The following ELP4 variants were observed in gnomAD, a reference collection of about 807,000 sequenced individuals.
The protein encoded by ELP4 is elongator acetyltransferase complex subunit 4.
ELP4 carries 51 observed loss-of-function variants against 48.9 expected under a neutral mutation model. The observed-to-expected ratio is 1.04, with a 90% CI of 0.83 to 1.32. ELP4 has a LOEUF of 1.32. Among genes scored for constraint, ELP4 ranks in the 40% most tolerant of loss-of-function variants. ELP4 has a pLI of 0.00. For missense variants in ELP4, 519 were observed against 514.6 expected, an observed-to-expected ratio of 1.01 and a Z score of -0.08; for synonymous variants, 210 against 189.2, an observed-to-expected ratio of 1.11 and a Z score of -0.90.
Position 31,647,964 on chromosome 11 carries a change from C to T in ELP4, c.1036+115C>T, listed in dbSNP as rs7117653. The T allele has an allele frequency of 8.7e-3, 5,487 of 628,506 alleles. 222 individuals are homozygous for T. In the African/African-American group the frequency reaches 0.091, roughly 10 times the overall value. 38.9% of individuals were successfully genotyped at this position (628,506 alleles called of 1,614,324 possible). On this transcript the variant is annotated intron_variant, in intron 8 of 9. Transcript: ENST00000640961. ...AAGGAGTATGAATTTTATAATACAC[C>T]TGTTAAATATTTTCCATTCCTGTCC...
At chr11:31,685,618 T>G (rs1218557369) in intron 9 of ELP4, among the ~76,000 whole-genome samples, 1 of 152,082 alleles carries the variant, frequency 6.6e-6, no homozygotes, top group Non-Finnish European at 1.5e-5. Flanking sequence ...TTTAATGAAT[T>G]TTATTAATAA....
At chr11:31,605,921 C>G (rs1385566398) in intron 5 of ELP4, among the ~76,000 whole-genome samples, 1 of 151,878 alleles carries the variant, frequency 6.6e-6, no homozygotes, top group Non-Finnish European at 1.5e-5. Flanking sequence ...ACTCAAGTTT[C>G]TAAAACCTCT....
intron 3 of ELP4, among the ~76,000 whole-genome samples, chr11:31,571,969 AAGTG>A (rs1957200004): frequency 6.6e-6 from 1 of 152,316 alleles, no homozygotes; most frequent in South Asian, 2.1e-4. Context: ...TTGGAATGAT[AAGTG>A]AGTATTGGCT....
At chr11:31,601,046 A>G (rs1047711198) in intron 4 of ELP4, among the ~76,000 whole-genome samples, 9 of 152,270 alleles carry the variant, frequency 5.9e-5, no homozygotes, top group Admixed American at 5.9e-4. Context: ...TGTAAAACTA[A>G]AGCAACATGT....
intron 9 of ELP4, among the ~76,000 whole-genome samples, chr11:31,726,780 T>C (rs1324964646): frequency 6.6e-6 from 1 of 152,226 alleles, no homozygotes; most frequent in Non-Finnish European, 1.5e-5. Flanking sequence ...ACAGTACCAG[T>C]GTTCCAAGGA....
At chr11:31,593,659 T>C (rs929126309) in intron 3 of ELP4, among the ~76,000 whole-genome samples, 2 of 152,172 alleles carry the variant, frequency 1.3e-5, no homozygotes. Flanking sequence ...CTGGACATTC[T>C]AGTTGCCGAA....
chr11:31,582,322 T>A (rs1005158884), intron 3 of ELP4, among the ~76,000 whole-genome samples: 1 of 152,242 alleles, frequency 6.6e-6, no homozygotes. Context: ...TATATTTTTT[T>A]AAATTAGCAT....
At chr11:31,546,354 A>T (rs1280817099) in intron 3 of ELP4, among the ~76,000 whole-genome samples, 1 of 152,172 alleles carries the variant, frequency 6.6e-6, no homozygotes, top group East Asian at 1.9e-4. Flanking sequence ...GATAAAACAG[A>T]CTTTAAACCA....
intron 1 of ELP4, among the ~76,000 whole-genome samples, chr11:31,516,638 GGTGGCAGCACGCCTT>G (rs1391322320): frequency 6.6e-6 from 1 of 152,102 alleles, no homozygotes; most frequent in African/African-American, 2.4e-5. Flanking sequence ...TGGGACTACA[GGTGGCAGCACGCCTT>G]GCTAATTTTT....
chr11:31,727,985 C>G (rs2134196150), intron 9 of ELP4: 1 of 152,232 alleles, frequency 6.6e-6, no homozygotes, highest in Admixed American at 6.5e-5. Context: ...AGAGGCTCAT[C>G]TATCTCAAAG....
intron 9 of ELP4, among the ~76,000 whole-genome samples, chr11:31,724,094 G>A (rs539093259): frequency 1.3e-5 from 2 of 152,244 alleles, no homozygotes; most frequent in Admixed American, 6.5e-5. Context: ...TGCCCAGCCC[G>A]AGGTTATGTA....
intron 5 of ELP4, among the ~76,000 whole-genome samples, chr11:31,611,031 C>G (rs1194745176): frequency 6.6e-6 from 1 of 152,198 alleles, no homozygotes; most frequent in Admixed American, 6.6e-5. Context: ...ACTTTACATG[C>G]TAGCCTACAT....
At chr11:31,759,036 T>A (rs910590337) in intron 9 of ELP4, among the ~76,000 whole-genome samples, 3 of 152,216 alleles carry the variant, frequency 2.0e-5, no homozygotes, top group Admixed American at 2.0e-4. Flanking sequence ...TGTGACTTAC[T>A]TTCTTCCATC....
intron 5 of ELP4, among the ~76,000 whole-genome samples, chr11:31,609,422 G>A (rs1236239528): frequency 6.6e-6 from 1 of 152,092 alleles, no homozygotes; most frequent in Non-Finnish European, 1.5e-5. Flanking sequence ...TGGGTATTAA[G>A]AACAATAGTT....
At chr11:31,740,273 G>A (rs1216712563) in intron 9 of ELP4, among the ~76,000 whole-genome samples, 1 of 152,140 alleles carries the variant, frequency 6.6e-6, no homozygotes, top group Non-Finnish European at 1.5e-5. Context: ...TTCAACTGCT[G>A]GCACATTTTA....
Position 31,788,492 on chromosome 11 carries a change from C to T in ELP4, c.*4968C>T, listed in dbSNP as rs971395314. 1 of 223,442 alleles carries T rather than the reference C, an allele frequency of 4.5e-6. No homozygotes were observed. The highest frequency in any genetic ancestry group is 2.2e-5 in the African/African-American group (1 of 44,802). 13.8% of individuals were successfully genotyped at this position (223,442 alleles called of 1,614,324 possible). ...AGGGAGAGGGCCTATTTGAAAAAGG[C>T]AACAGCTTTCAGAAAGTCTCCTTTA... On this transcript the variant is annotated 3_prime_UTR_variant, in exon 10 of 10. Coordinates refer to ENST00000640961, the MANE Select transcript of ELP4 (RefSeq NM_019040.5).
chr11:31,668,516 A>C (rs919248631), intron 9 of ELP4, among the ~76,000 whole-genome samples: 4 of 150,650 alleles, frequency 2.7e-5, no homozygotes, highest in Non-Finnish European at 4.4e-5. Flanking sequence ...CCAAGAGACA[A>C]GGGCTGGCTA....
chr11:31,557,906 G>A (rs910683394), intron 3 of ELP4, among the ~76,000 whole-genome samples: 2 of 151,570 alleles, frequency 1.3e-5, no homozygotes, highest in African/African-American at 2.4e-5. Context: ...ACTATATAAT[G>A]GTATTTATTA....
At chr11:31,649,852 T>C (rs1486736403) in intron 8 of ELP4, 2 of 296,878 alleles carry the variant, frequency 6.7e-6, no homozygotes, top group African/African-American at 2.2e-5. Context: ...TTTTGACAAG[T>C]ATTAAGATCC....
Sources: gnomAD v4.1 joint callset for allele counts (sites outside exome capture counted in the v4.1 genomes callset) on GRCh38, gnomAD v4.1.1 for gene constraint, MANE v1.5 for transcripts, NCBI Gene and HGNC (gene_info 2026-07-23, HGNC 2026-07-21) for gene names.